The following PRH1 variants were observed in gnomAD, a reference collection of about 807,000 sequenced individuals.
The protein encoded by PRH1 is salivary acidic proline-rich phosphoprotein 1/2.
In PRH1, 7 loss-of-function variants were observed where a neutral mutation model predicts 7.9. The observed-to-expected ratio is 0.89, with a 90% confidence interval of 0.50 to 1.67. The LOEUF (loss-of-function observed/expected upper bound fraction) is 1.67, where lower values mean the gene tolerates loss of function less well. PRH1 is among the 40% of genes most tolerant of loss of function. The pLI is 0.00. For missense variants in PRH1, 109 were observed against 223.6 expected (o/e 0.49, Z 3.27); for synonymous variants, 45 against 80.8 (o/e 0.56, Z 2.38).
intron 1 of PRH1, among the ~76,000 whole-genome samples, chr12:11,006,720 C>T (rs1940850556): frequency 6.6e-6 from 1 of 152,078 alleles, no homozygotes; most frequent in Admixed American, 6.6e-5. Flanking sequence ...ATTGGATATA[C>T]ACTTCATTCC....
chr12:11,004,668 TATTTC>T (rs1179804332), intron 1 of PRH1, among the ~76,000 whole-genome samples: 1 of 152,148 alleles, frequency 6.6e-6, no homozygotes, highest in Non-Finnish European at 1.5e-5. Context: ...TATTTGTTCA[TATTTC>T]ATTATTAATT....
intron 1 of PRH1, among the ~76,000 whole-genome samples, chr12:10,996,258 G>A (rs970606747): frequency 1.2e-4 from 18 of 151,840 alleles, no homozygotes; most frequent in Non-Finnish European, 1.9e-4. Context: ...GAACCCCAGA[G>A]GTGAACGTTG....
chr12:11,065,003 C>T (rs1943750857), intron 1 of PRH1, among the ~76,000 whole-genome samples: 1 of 151,970 alleles, frequency 6.6e-6, no homozygotes, highest in Non-Finnish European at 1.5e-5. Context: ...TACCACTGAA[C>T]TCCAGCCTGG....
At chr12:11,106,966 T>C (rs1336681719) in intron 1 of PRH1, among the ~76,000 whole-genome samples, 1 of 152,204 alleles carries the variant, frequency 6.6e-6, no homozygotes, top group East Asian at 1.9e-4. Context: ...TGTATGATCG[T>C]GTGTTACTTG....
At chr12:11,026,043 T>A (rs555268750) in intron 1 of PRH1, among the ~76,000 whole-genome samples, 221 of 139,516 alleles carry the variant, frequency 1.6e-3, no homozygotes, top group Non-Finnish European at 2.4e-3. Flanking sequence ...CTTGTTTTTT[T>A]TTCTTCTTCT....
chr12:11,114,851 G>A (rs958993211), intron 1 of PRH1, among the ~76,000 whole-genome samples: 7 of 152,054 alleles, frequency 4.6e-5, no homozygotes, highest in African/African-American at 1.7e-4. Flanking sequence ...TTAGAGGGTA[G>A]TATTTGCAAG....
chr12:10,960,383 T>C (rs572339251), intron 2 of PRH1, among the ~76,000 whole-genome samples: 29 of 152,354 alleles, frequency 1.9e-4, no homozygotes, highest in Non-Finnish European at 3.8e-4. Flanking sequence ...CAAAACCAGA[T>C]GGATTATCAG....
chr12:11,136,875 C>T, intron 1 of PRH1, among the ~76,000 whole-genome samples: 1 of 152,080 alleles, frequency 6.6e-6, no homozygotes. Flanking sequence ...AAATGTGAGC[C>T]AGGCATAGTG....
intron 1 of PRH1, among the ~76,000 whole-genome samples, chr12:11,099,676 A>C (rs1008950679): frequency 2.0e-5 from 3 of 152,130 alleles, no homozygotes; most frequent in Non-Finnish European, 4.4e-5. Context: ...CAGCCTGGGC[A>C]ACAGAGTGAG....
chr12:10,890,118 A>G (rs1246612944), intron 2 of PRH1, among the ~76,000 whole-genome samples: 3 of 152,108 alleles, frequency 2.0e-5, no homozygotes, highest in East Asian at 1.9e-4. Context: ...TCTTTTTGCA[A>G]TACACAAAAA....
At chr12:11,133,917 T>G in intron 1 of PRH1, 1 of 1,614,118 alleles carries the variant, frequency 6.2e-7, no homozygotes, top group Non-Finnish European at 8.5e-7. Flanking sequence ...AAATTGGCAA[T>G]CCTGAGCAAA....
At chr12:11,122,320 A>T (rs1248158561) in intron 1 of PRH1, among the ~76,000 whole-genome samples, 3 of 151,812 alleles carry the variant, frequency 2.0e-5, no homozygotes, top group African/African-American at 7.3e-5. Flanking sequence ...TATCTTCAAG[A>T]TGCAGTACGT....
At chr12:11,057,716 A>G (rs1031494332) in intron 1 of PRH1, among the ~76,000 whole-genome samples, 1 of 152,182 alleles carries the variant, frequency 6.6e-6, no homozygotes, top group Admixed American at 6.5e-5. Context: ...AACACTCACA[A>G]ATGCTTTCTA....
At chr12:10,909,803 C>T (rs928193873) in intron 2 of PRH1, among the ~76,000 whole-genome samples, 1 of 152,132 alleles carries the variant, frequency 6.6e-6, no homozygotes, top group Non-Finnish European at 1.5e-5. Flanking sequence ...TATGCAAAGA[C>T]TTACCTATGC....
chr12:11,128,355 A>T (rs1383861652), intron 1 of PRH1, among the ~76,000 whole-genome samples: 1 of 125,086 alleles, frequency 8.0e-6, no homozygotes, highest in African/African-American at 2.7e-5. Context: ...CTAAGAGGGG[A>T]TCTTGGAGTC....
chr12:10,908,895 A>G, intron 2 of PRH1: 1 of 1,613,076 alleles, frequency 6.2e-7, no homozygotes, highest in African/African-American at 1.3e-5. Flanking sequence ...CAAGGTTCCT[A>G]GCAGTATCAT....
chr12:11,041,029 G>C (rs1942685188), intron 1 of PRH1, among the ~76,000 whole-genome samples: 1 of 151,876 alleles, frequency 6.6e-6, no homozygotes, highest in African/African-American at 2.4e-5. Flanking sequence ...AAATAGGAAG[G>C]AAGGAAAGAA....
intron 1 of PRH1, among the ~76,000 whole-genome samples, chr12:10,989,100 G>A (rs1034006199): frequency 9.9e-5 from 15 of 152,200 alleles, no homozygotes; most frequent in South Asian, 4.1e-4. Flanking sequence ...GAGCCACCGC[G>A]CCTGGCCTTG....
chr12:11,000,871 C>T (rs2136018130), intron 1 of PRH1, among the ~76,000 whole-genome samples: 1 of 151,914 alleles, frequency 6.6e-6, no homozygotes, highest in Non-Finnish European at 1.5e-5. Flanking sequence ...TTATTTTTTG[C>T]TATTATTGTT....
Sources: gnomAD v4.1 joint callset for allele counts (sites outside exome capture counted in the v4.1 genomes callset) on GRCh38, gnomAD v4.1.1 for gene constraint, MANE v1.5 for transcripts, NCBI Gene and HGNC (gene_info 2026-07-23, HGNC 2026-07-21) for gene names.